Variants in ACOXL observed in about 807,000 individuals in gnomAD.
ACOXL encodes acyl-coenzyme A oxidase-like protein.
Under a neutral mutation model 71.9 loss-of-function variants are expected in ACOXL, and 70 were observed. The ratio of observed to expected loss-of-function variants is 0.97; its 90% CI spans 0.80 to 1.19. The LOEUF (loss-of-function observed/expected upper bound fraction) is 1.19. ACOXL is among the 50% of genes most tolerant of loss of function. ACOXL has a pLI of 0.00. For missense variants in ACOXL, 703 were observed against 736.3 expected (o/e 0.95, Z 0.52); for synonymous variants, 253 against 281.6 (o/e 0.90, Z 1.02).
At chr2:111,048,682 G>A (rs2066140847) in intron 15 of ACOXL, among the ~76,000 whole-genome samples, 1 of 151,762 alleles carries the variant, frequency 6.6e-6, no homozygotes, top group Non-Finnish European at 1.5e-5. Flanking sequence ...AATCTTCTTG[G>A]GTTTCTCTTC....
chr2:110,760,136 T>C (rs1490794693), intron 1 of ACOXL, among the ~76,000 whole-genome samples: 1 of 151,620 alleles, frequency 6.6e-6, no homozygotes, highest in Non-Finnish European at 1.5e-5. Context: ...AGTTAAATTT[T>C]TCTTTTCTTT....
At chr2:110,747,097 C>A (rs1678327714) in intron 1 of ACOXL, among the ~76,000 whole-genome samples, 1 of 152,116 alleles carries the variant, frequency 6.6e-6, no homozygotes, top group Non-Finnish European at 1.5e-5. Flanking sequence ...AGTACTCAAC[C>A]TATGAGGAAC....
intron 1 of ACOXL, among the ~76,000 whole-genome samples, chr2:110,743,774 G>A (rs1304245635): frequency 6.6e-6 from 1 of 152,172 alleles, no homozygotes; most frequent in African/African-American, 2.4e-5. Flanking sequence ...GCCTTCCCTT[G>A]TGGTGCCTTC....
chr2:111,114,609 C>T (rs2070215733), intron 17 of ACOXL, among the ~76,000 whole-genome samples: 1 of 152,058 alleles, frequency 6.6e-6, no homozygotes, highest in Non-Finnish European at 1.5e-5. Context: ...TGCATGGAGT[C>T]CTAGGAATAG....
Position 110,886,657 on chromosome 2 carries a change from G to A in ACOXL, c.789-22132G>A, listed in dbSNP as rs937810972. 10 of 1,271,758 alleles carry A rather than the reference G, an allele frequency of 7.9e-6. No homozygotes were observed. In the African/African-American group the frequency reaches 1.0e-4, roughly 13 times the overall value. The allele number at this position is 1,271,758 out of a possible 1,614,324, so 78.8% of individuals were successfully genotyped here. Reference sequence around the variant, plus strand: ...GCTTCTCAAAATGCTGGGATTACAGGCTTGAGCCACTGCGTCTGTCCCTCC... The same window carrying A: ...GCTTCTCAAAATGCTGGGATTACAGACTTGAGCCACTGCGTCTGTCCCTCC... On this transcript the variant is annotated intron_variant, in intron 10 of 17. Transcript: ENST00000439055.
intron 1 of ACOXL, among the ~76,000 whole-genome samples, chr2:110,748,721 G>C (rs1678551988): frequency 6.6e-6 from 1 of 152,202 alleles, no homozygotes. Context: ...TGTGGGTGCA[G>C]CTGCGGTGTT....
Position 110,784,801 on chromosome 2 carries a change from G to T in ACOXL, c.145G>T (p.Ala49Ser). Residue 49 changes from alanine to serine, a missense_variant, in exon 3 of 18, where the codon GCC (alanine) becomes TCC (serine). Physicochemically the swap from Ala to Ser is moderately conservative, Grantham distance 99. Coordinates refer to ENST00000439055, the MANE Select transcript of ACOXL (RefSeq NM_001142807.4). Reference sequence around the variant, plus strand: ...AGAAGTCCTCTCCATGGCGGACATGGCCACAGGAGTGAAGGTGAGAGGCGC... The same window carrying T: ...AGAAGTCCTCTCCATGGCGGACATGTCCACAGGAGTGAAGGTGAGAGGCGC... Reference protein sequence around the residue: ...IGEVLSMADMATGVKCGIIYW... With the variant: ...IGEVLSMADMSTGVKCGIIYW... 2 of 1,604,948 alleles carry T rather than the reference G, an allele frequency of 1.2e-6. No individual in the cohort carries two copies. Among genetic ancestry groups the T allele is most frequent in the Non-Finnish European group, 1.7e-6 (2 of 1,177,050 alleles).
intron 1 of ACOXL, among the ~76,000 whole-genome samples, chr2:110,761,622 A>G (rs961924639): frequency 6.6e-6 from 1 of 152,206 alleles, no homozygotes; most frequent in South Asian, 2.1e-4. Flanking sequence ...TCCTGTCTGC[A>G]TTGATGCCTG....
At chr2:111,067,087 G>T (rs1382260864) in intron 16 of ACOXL, among the ~76,000 whole-genome samples, 1 of 151,984 alleles carries the variant, frequency 6.6e-6, no homozygotes, top group East Asian at 1.9e-4. Flanking sequence ...TACAAAAATG[G>T]ATCATATATT....
At chr2:110,798,160 G>A (rs1685493386) in intron 5 of ACOXL, among the ~76,000 whole-genome samples, 1 of 152,096 alleles carries the variant, frequency 6.6e-6, no homozygotes, top group Non-Finnish European at 1.5e-5. Flanking sequence ...TTCAAGACGT[G>A]GAGCCAGGTG....
At chr2:110,775,237 G>T (rs1430806133) in intron 2 of ACOXL, among the ~76,000 whole-genome samples, 1 of 151,916 alleles carries the variant, frequency 6.6e-6, no homozygotes, top group Non-Finnish European at 1.5e-5. Context: ...ATAAAGAAAG[G>T]GCTTCTTAAC....
At chr2:110,925,864 T>TC (rs1021070814) in intron 11 of ACOXL, among the ~76,000 whole-genome samples, 3 of 151,434 alleles carry the variant, frequency 2.0e-5, no homozygotes, top group African/African-American at 7.3e-5. Context: ...TTTTTTTTTT[T>TC]TTTTTTTTTT....
chr2:111,113,215 G>A (rs927071930), intron 17 of ACOXL: 3 of 152,180 alleles, frequency 2.0e-5, no homozygotes, highest in African/African-American at 7.2e-5. Flanking sequence ...AAAAGCCCTG[G>A]ATTAAAACTC....
At chr2:111,113,342 TA>T (rs2070124481) in intron 17 of ACOXL, among the ~76,000 whole-genome samples, 1 of 152,220 alleles carries the variant, frequency 6.6e-6, no homozygotes. Flanking sequence ...ACAGTGAACC[TA>T]AAGCCCTCCT....
chr2:110,955,110 T>C (rs2061449377), intron 12 of ACOXL, among the ~76,000 whole-genome samples: 3 of 152,214 alleles, frequency 2.0e-5, no homozygotes, highest in African/African-American at 7.2e-5. Context: ...TTGGATTCAT[T>C]TGAGGTTAGT....
intron 10 of ACOXL, among the ~76,000 whole-genome samples, chr2:110,866,072 G>A (rs1361091785): frequency 5.3e-5 from 8 of 152,186 alleles, no homozygotes; most frequent in Admixed American, 2.0e-4. Flanking sequence ...AGAATGATTC[G>A]GAAGGCGGGG....
intron 9 of ACOXL, among the ~76,000 whole-genome samples, chr2:110,815,698 G>A (rs1471129846): frequency 6.6e-6 from 1 of 152,210 alleles, no homozygotes; most frequent in African/African-American, 2.4e-5. Context: ...CTTGATCTGA[G>A]TTTGGAGAGG....
chr2:110,917,242 G>C lies in ACOXL; in HGVS notation c.905+8337G>C, dbSNP rs542270867. ...TTTGGCTTCATCCCTGGGATGCAAG[G>C]CTGGTTCAACATCAATCAATAAACA... is the stretch of plus-strand genomic sequence containing the variant. On this transcript the variant is annotated intron_variant, in intron 11 of 17. Transcript: ENST00000439055. 3.9e-5 allele frequency among the ~76,000 whole-genome samples: 6 copies of C among 152,248 alleles called. No homozygotes were observed. The South Asian group carries it at 1.2e-3, about 32-fold the overall frequency.
At chr2:110,871,385 A>G (rs1362442498) in intron 10 of ACOXL, among the ~76,000 whole-genome samples, 2 of 152,128 alleles carry the variant, frequency 1.3e-5, no homozygotes, top group Non-Finnish European at 2.9e-5. Context: ...GAAGTAGGAA[A>G]TAATATGGAA....
Sources: gnomAD v4.1 joint callset for allele counts (sites outside exome capture counted in the v4.1 genomes callset) on GRCh38, gnomAD v4.1.1 for gene constraint, MANE v1.5 for transcripts, NCBI Gene and HGNC (gene_info 2026-07-23, HGNC 2026-07-21) for gene names.